Variants in STAT6 observed in about 807,000 individuals in gnomAD.
STAT6 encodes the protein signal transducer and activator of transcription 6, also known as STAT, interleukin4-induced.
A neutral mutation model predicts 106.3 loss-of-function variants in STAT6; 45 were observed. The observed-to-expected ratio is 0.42, with a 90% CI of 0.33 to 0.54. STAT6 has a LOEUF of 0.54. Ranked by LOEUF, STAT6 falls within the 20% of genes least tolerant of loss-of-function variation. STAT6 has a pLI of 0.06. For synonymous variants in STAT6, 413 were observed against 413.6 expected (o/e 1.00, Z 0.02); for missense variants, 797 against 1,062.2 (o/e 0.75, Z 3.47).
At chr12:57,100,179 G>A (rs1014230622) in intron 13 of STAT6, 89 bp from the exon 14 acceptor site, 19 of 1,116,040 alleles carry the variant, frequency 1.7e-5, no homozygotes, top group African/African-American at 6.2e-5. Flanking sequence ...GTGCCCTCAC[G>A]ACAGAATCAC....
intron 12 of STAT6, 76 bp from the exon 13 acceptor site, chr12:57,102,572 ACCTG>A: frequency 6.8e-7 from 1 of 1,481,028 alleles, no homozygotes; most frequent in Non-Finnish European, 9.2e-7. Flanking sequence ...CATCCCTCCC[ACCTG>A]CCTGTGGCCT....
At position 57,106,308 on chromosome 12, in the gene STAT6, C is replaced by G; in HGVS notation, c.563G>C (p.Gly188Ala). The change falls in exon 7 of 22, where the codon GGA (glycine) becomes GCA (alanine). Residue 188 changes from glycine to alanine, a missense_variant. Gly to Ala is a moderately conservative substitution (Grantham distance 60). Around this residue, in one of 4 missense-constraint regions of STAT6, gnomAD observed 336 missense variants for 429.8 expected, o/e 0.78. Coordinates refer to ENST00000300134, the MANE Select transcript of STAT6 (RefSeq NM_003153.5). ...TAGGGCTTTGGCTGCCTCTAGCTCT[C>G]CAGTGGTCTCCTGCAGTAGCATGGC... Reference protein sequence around the residue: ...ALAMLLQETTGELEAAKALVL... With the variant: ...ALAMLLQETTAELEAAKALVL... 6.2e-7 allele frequency: 1 copy of G among 1,614,240 alleles called. No individual in the cohort carries two copies. The highest frequency in any genetic ancestry group is 8.5e-7 in the Non-Finnish European group (1 of 1,180,042).
chr12:57,109,468 G>C lies in STAT6; in HGVS notation c.-21-1169C>G, dbSNP rs189257457. 2.6e-5 allele frequency among the ~76,000 whole-genome samples: 4 copies of C among 152,302 alleles called. No individual in the cohort carries two copies. The East Asian group carries it at 7.7e-4, about 29-fold the overall frequency. ...TAAGTGAGTTTGGAAAGCAGGCTTT[G>C]AATCTGAGTGGGGATTAACCATCGC... is the stretch of plus-strand genomic sequence containing the variant. On this transcript the variant is annotated intron_variant, in intron 1 of 21. Coordinates refer to ENST00000300134, the MANE Select transcript of STAT6 (RefSeq NM_003153.5).
At chr12:57,109,068 G>A (rs1444898805) in intron 1 of STAT6, among the ~76,000 whole-genome samples, 1 of 152,156 alleles carries the variant, frequency 6.6e-6, no homozygotes, top group East Asian at 1.9e-4. Context: ...AGGGCGTGGT[G>A]GCGAGCGCCT....
Position 57,099,671 on chromosome 12 carries a change from C to A in STAT6, c.1744+96G>T, listed in dbSNP as rs2033688771. 2 of 1,531,182 alleles carry A rather than the reference C, an allele frequency of 1.3e-6. No individual in the cohort carries two copies. The highest frequency in any genetic ancestry group is 4.6e-5 in the East Asian group (2 of 43,920). The allele number at this position is 1,531,182 out of a possible 1,614,324, so 94.8% of individuals were successfully genotyped here. On this transcript the variant is annotated intron_variant, in intron 15 of 21. Coordinates refer to ENST00000300134, the MANE Select transcript of STAT6 (RefSeq NM_003153.5). This position sits in a 1 kb window ranked among gnomAD's most constrained non-coding sequence, Gnocchi z 4.7. ...GAAGCTGGAAGAACTTCCTGAAGAT[C>A]AGGATCGGCATCAGGAAGGTCAGGA... is the stretch of plus-strand genomic sequence containing the variant.
Position 57,106,309 on chromosome 12 carries a change from C to T in STAT6, c.562G>A (p.Gly188Arg). The T allele has an allele frequency of 6.2e-7, 1 of 1,614,252 alleles. No individual in the cohort carries two copies. The highest frequency in any genetic ancestry group is 8.5e-7 in the Non-Finnish European group (1 of 1,180,042). The change falls in exon 7 of 22, where the codon GGA (glycine) becomes AGA (arginine). Residue 188 changes from glycine to arginine, a missense_variant. By Grantham distance (125) the Gly-to-Arg change is moderately radical. Transcript: ENST00000300134. ...AGGGCTTTGGCTGCCTCTAGCTCTC[C>T]AGTGGTCTCCTGCAGTAGCATGGCC... ...ALAMLLQETTGELEAAKALVL... is the reference protein window; with the variant it reads ...ALAMLLQETTRELEAAKALVL...
intron 13 of STAT6, 70 bp downstream of exon 13, chr12:57,102,220 C>A: frequency 6.5e-7 from 1 of 1,535,804 alleles, no homozygotes; most frequent in South Asian, 1.1e-5. Context: ...TGCATGGAGG[C>A]TGAGCAGGCC....
At chr12:57,104,093 G>A (rs2136599814) in intron 11 of STAT6, 1 of 233,112 alleles carries the variant, frequency 4.3e-6, no homozygotes, top group East Asian at 1.1e-4. Context: ...GTGTGACTGG[G>A]ACAAACTACT....
Position 57,102,441 on chromosome 12 carries a change from G to T in STAT6, c.1361C>A (p.Thr454Asn). 6.2e-7 allele frequency: 1 copy of T among 1,614,104 alleles called. No individual in the cohort carries two copies. Among genetic ancestry groups the T allele is most frequent in the Non-Finnish European group, 8.5e-7 (1 of 1,180,032 alleles). Reference protein sequence around the residue: ...ERVPWEKMCETLNLKFMAEVG... With the variant: ...ERVPWEKMCENLNLKFMAEVG... Reference sequence around the variant, plus strand: ...CTCAGCCATGAACTTCAGGTTCAGAGTTTCACACATCTTCTCCCAGGGCAC... The same window carrying T: ...CTCAGCCATGAACTTCAGGTTCAGATTTTCACACATCTTCTCCCAGGGCAC... Residue 454 changes from threonine (T) to asparagine (N), a missense_variant, in exon 13 of 22, where the codon ACT (threonine) becomes AAT (asparagine). Coordinates refer to ENST00000300134, the MANE Select transcript of STAT6 (RefSeq NM_003153.5).
At position 57,108,159 on chromosome 12, in the gene STAT6, T is replaced by C; in HGVS notation, c.116+4A>G. 1 of 1,587,402 alleles carries C rather than the reference T, an allele frequency of 6.3e-7. No homozygotes were observed. The highest frequency in any genetic ancestry group is 8.6e-7 in the Non-Finnish European group (1 of 1,159,214). On this transcript the variant is annotated splice_donor_region_variant and intron_variant, in intron 2 of 21. Transcript: ENST00000300134. ...GGGACCAGCAGGGAGCAGCCAGGAC[T>C]CACCAGGGCTGGCTCTCCAGCCAGT...
chr12:57,104,388 G>A, intron 11 of STAT6, 76 bp downstream of exon 11: 1 of 1,541,044 alleles, frequency 6.5e-7, no homozygotes, highest in Non-Finnish European at 8.8e-7. Flanking sequence ...AAGAGGTGAG[G>A]GTCCAGGGCC....
intron 1 of STAT6, chr12:57,110,169 C>CT (rs1279057962): frequency 6.6e-6 from 1 of 152,334 alleles, no homozygotes; most frequent in Non-Finnish European, 1.5e-5. Flanking sequence ...TCTGCATCCC[C>CT]TTGCAGAGTG....
chr12:57,104,363 G>A, intron 11 of STAT6, 101 bp downstream of exon 11: 9 of 1,485,556 alleles, frequency 6.1e-6, no homozygotes, highest in Non-Finnish European at 8.2e-6. Flanking sequence ...GACACATGGG[G>A]TATGGGGCAG....
intron 1 of STAT6, 145 bp from the exon 2 acceptor site, chr12:57,108,444 TCCTGAGTCAATG>T (rs2034405516): frequency 3.4e-6 from 2 of 594,914 alleles, no homozygotes; most frequent in East Asian, 5.7e-5. Flanking sequence ...ACCAGGGGCA[TCCTGAGTCAATG>T]CCTGAGATGG....
chr12:57,102,593 C>A (rs1398303153), intron 12 of STAT6, 97 bp from the exon 13 acceptor site: 6 of 1,285,520 alleles, frequency 4.7e-6, no homozygotes, highest in Non-Finnish European at 5.4e-6. Flanking sequence ...GCCTACCCCT[C>A]CACAGCCCCT....
At chr12:57,097,154 G>A (rs2033498287) in intron 19 of STAT6, 21 bp from the exon 20 acceptor site, 1 of 1,502,452 alleles carries the variant, frequency 6.7e-7, no homozygotes, top group Admixed American at 2.3e-5. Context: ...GGAGAGCACA[G>A]TTAGAGGAAG....
chr12:57,100,001 A>G lies in STAT6; in HGVS notation c.1602T>C (p.Ser534=), dbSNP rs1565682987. 5 of 1,613,774 alleles carry G rather than the reference A, an allele frequency of 3.1e-6. No homozygotes were observed. Among genetic ancestry groups the G allele is most frequent in the Non-Finnish European group, 4.2e-6 (5 of 1,179,884 alleles). ...TACCCAGGGTGGGGACTCACCGGTC[A>G]GACCAGTAGCTCCGGAGACAGCGTT... is the stretch of plus-strand genomic sequence containing the variant. The part of the protein sequence containing the change: ...LTKRCLRSYW[S]DRLIIGFISK... Residue 534 remains serine (S), a synonymous_variant, in exon 14 of 22, where the codon TCT becomes TCC. Transcript: ENST00000300134.
At position 57,097,106 on chromosome 12, in the gene STAT6, C is replaced by T. The variant is rs1238882001; in HGVS notation, c.2187G>A (p.Leu729=). The part of the protein sequence containing the change: ...QEPHLQMPPS[L]GQMSLPFDQP... ...GGTCAAAGGGCAGGCTCATCTGGCCCAGGCTGGGGGGCATCTGCAGGTGAG... is the reference window on the plus strand; with the variant it reads ...GGTCAAAGGGCAGGCTCATCTGGCCTAGGCTGGGGGGCATCTGCAGGTGAG... The change falls in exon 20 of 22, where the codon CTG becomes CTA. Residue 729 remains leucine, a synonymous_variant. Coordinates refer to ENST00000300134, the MANE Select transcript of STAT6 (RefSeq NM_003153.5). The T allele has an allele frequency of 6.6e-7, 1 of 1,522,052 alleles. No homozygotes were observed. The highest frequency in any genetic ancestry group is 8.8e-7 in the Non-Finnish European group (1 of 1,135,380). The allele number at this position is 1,522,052 out of a possible 1,614,324, so 94.3% of individuals were successfully genotyped here. A position where few individuals can be genotyped will look rare whatever the true frequency, so the allele number is the denominator to read the frequency against.
intron 13 of STAT6, among the ~76,000 whole-genome samples, chr12:57,100,638 GAGAA>G (rs201086579): frequency 0.013 from 1,271 of 99,916 alleles, 42 homozygotes; most frequent in East Asian, 0.017. Context: ...GAAAGAGAAA[GAGAA>G]AGAAAGAAAG....
Sources: gnomAD v4.1 joint callset for allele counts (sites outside exome capture counted in the v4.1 genomes callset) on GRCh38, gnomAD v4.1.1 for gene constraint, gnomAD v4.1.1 regional missense constraint, Gnocchi (gnomAD v3.1) non-coding constraint, MANE v1.5 for transcripts, NCBI Gene and HGNC (gene_info 2026-07-23, HGNC 2026-07-21) for gene names.